SLC35B4: variants seen among roughly 807,000 people sequenced by gnomAD.
The protein encoded by SLC35B4 is solute carrier family 35 member B4.
SLC35B4 carries 28 observed loss-of-function variants against 39.5 expected under a neutral mutation model. The ratio of observed to expected loss-of-function variants is 0.71; its 90% CI spans 0.53 to 0.97. The LOEUF (loss-of-function observed/expected upper bound fraction) is 0.97, where lower values mean the gene tolerates loss of function less well. Ranked by LOEUF, SLC35B4 falls within the 50% of genes least tolerant of loss-of-function variation. The probability of loss-of-function intolerance (pLI) is 0.00; values close to 1 mark genes in which losing one functional copy is unlikely to be tolerated. For missense variants in SLC35B4, 334 were observed against 414.3 expected, an observed-to-expected ratio of 0.81 and a Z score of 1.68; for synonymous variants, 145 against 150.4, an observed-to-expected ratio of 0.96 and a Z score of 0.26.
At chr7:134,312,552 G>C (rs1803869177) in intron 1 of SLC35B4, among the ~76,000 whole-genome samples, 1 of 152,044 alleles carries the variant, frequency 6.6e-6, no homozygotes, top group East Asian at 1.9e-4. Context: ...TCTCACTTTC[G>C]GGTCAGTGAC....
Position 134,293,529 on chromosome 7 carries a change from G to A in SLC35B4, c.*1304C>T, listed in dbSNP as rs1357111512. ...TTCAATTGTCGTTGAGGTTTGACCTGATTTACACATCACACACTATATATC... is the reference window on the plus strand; with the variant it reads ...TTCAATTGTCGTTGAGGTTTGACCTAATTTACACATCACACACTATATATC... On this transcript the variant is annotated 3_prime_UTR_variant, in exon 10 of 10. Transcript: ENST00000378509. The A allele has an allele frequency of 6.6e-6, 1 of 152,174 alleles. No individual in the cohort carries two copies. The highest frequency in any genetic ancestry group is 1.5e-5 in the Non-Finnish European group (1 of 68,054). The allele number at this position is 152,174 out of a possible 1,614,324, so 9.4% of individuals were successfully genotyped here.
intron 8 of SLC35B4, among the ~76,000 whole-genome samples, chr7:134,298,716 A>G (rs905008875): frequency 1.3e-5 from 2 of 152,348 alleles, no homozygotes; most frequent in Middle Eastern, 3.4e-3. Context: ...GAGAGGCAAC[A>G]CTATAAATGC....
intron 2 of SLC35B4, among the ~76,000 whole-genome samples, chr7:134,308,038 G>T (rs918099080): frequency 6.6e-6 from 1 of 152,156 alleles, no homozygotes; most frequent in Admixed American, 6.5e-5. Flanking sequence ...AGAAATTGTG[G>T]ATGGGGATGA....
At chr7:134,302,928 G>T (rs1297690046) in intron 4 of SLC35B4, among the ~76,000 whole-genome samples, 1 of 152,170 alleles carries the variant, frequency 6.6e-6, no homozygotes, top group Non-Finnish European at 1.5e-5. Context: ...GAGCGGTTGG[G>T]GAGGAAGCAG....
At chr7:134,304,770 T>C in intron 4 of SLC35B4, 35 bp downstream of exon 4, 1 of 1,530,050 alleles carries the variant, frequency 6.5e-7, no homozygotes, top group Non-Finnish European at 9.0e-7. Flanking sequence ...CAGGGTATCA[T>C]TTCCATACAC....
chr7:134,308,622 T>C (rs1293740427), intron 2 of SLC35B4, among the ~76,000 whole-genome samples: 5 of 152,236 alleles, frequency 3.3e-5, no homozygotes. Flanking sequence ...TTTGCCTTCA[T>C]ACTTGGATAT....
At chr7:134,305,269 G>A (rs1803679727) in intron 3 of SLC35B4, among the ~76,000 whole-genome samples, 1 of 151,980 alleles carries the variant, frequency 6.6e-6, no homozygotes, top group Non-Finnish European at 1.5e-5. Flanking sequence ...GTTGCAGTGA[G>A]CCAAGATCGC....
intron 3 of SLC35B4, among the ~76,000 whole-genome samples, 186 bp from the exon 4 acceptor site, chr7:134,305,040 G>T (rs1040934650): frequency 3.9e-5 from 6 of 152,178 alleles, no homozygotes; most frequent in African/African-American, 1.4e-4. Flanking sequence ...CTACTATGAT[G>T]GCCGGGCGCG....
chr7:134,301,820 G>A lies in SLC35B4; in HGVS notation c.428C>T (p.Thr143Ile), dbSNP rs773877174. 11 of 1,613,846 alleles carry A rather than the reference G, an allele frequency of 6.8e-6. No individual in the cohort carries two copies. Among genetic ancestry groups the A allele is most frequent in the African/African-American group, 5.3e-5 (4 of 74,916 alleles). ...ICTFMSAKQV[T>I]SQSSLSENDG... is the part of the protein sequence containing the mutation. ...ATTCTCACTCAAGCTGGACTGGGAA[G>A]TCTAGGAAATAAGAAAATAAACTAG... Residue 143 changes from threonine to isoleucine, a missense_variant and splice_region_variant, in exon 6 of 10, where the codon ACT (threonine) becomes ATT (isoleucine). By Grantham distance (89) the Thr-to-Ile change is moderately conservative. Coordinates refer to ENST00000378509, the MANE Select transcript of SLC35B4 (RefSeq NM_032826.5).
chr7:134,306,837 G>A, intron 2 of SLC35B4, 63 bp from the exon 3 acceptor site: 1 of 1,401,504 alleles, frequency 7.1e-7, no homozygotes, highest in East Asian at 2.3e-5. Context: ...TCAAGTATAG[G>A]AAATATATAT....
At position 134,311,134 on chromosome 7, in the gene SLC35B4, C is replaced by T. The variant is rs561015296; in HGVS notation, c.78-1655G>A. Among the ~76,000 whole-genome samples, 7 of 152,202 alleles carry T rather than the reference C, an allele frequency of 4.6e-5. No individual in the cohort carries two copies. The South Asian group carries it at 1.4e-3, about 31-fold the overall frequency. ...CTGCCTATGAAGGTTTCCTTGAAAA[C>T]TGCTTTCTATTCAATTCAACAAGTT... On this transcript the variant is annotated intron_variant, in intron 1 of 9. Coordinates refer to ENST00000378509, the MANE Select transcript of SLC35B4 (RefSeq NM_032826.5).
At chr7:134,302,244 G>C in intron 4 of SLC35B4, 134 bp from the exon 5 acceptor site, 1 of 719,644 alleles carries the variant, frequency 1.4e-6, no homozygotes, top group Non-Finnish European at 2.3e-6. Flanking sequence ...CTTTCCAGCA[G>C]AGTCCACAGA....
In SLC35B4 at chr7:134,294,742, T is replaced by A. The variant is rs990833138; in HGVS notation, c.*91A>T. ...TGCACGGCTGGCTCAGCACTGCGGGTAGCTCGGCATTAACAAAAGCGAAAC... is the reference window on the plus strand; with the variant it reads ...TGCACGGCTGGCTCAGCACTGCGGGAAGCTCGGCATTAACAAAAGCGAAAC... On this transcript the variant is annotated 3_prime_UTR_variant, in exon 10 of 10. Coordinates refer to ENST00000378509, the MANE Select transcript of SLC35B4 (RefSeq NM_032826.5). The A allele has an allele frequency of 1.3e-5, 20 of 1,522,292 alleles. No individual in the cohort carries two copies. Among genetic ancestry groups the A allele is most frequent in the Non-Finnish European group, 1.7e-5 (19 of 1,122,610 alleles). 94.3% of individuals were successfully genotyped at this position (1,522,292 alleles called of 1,614,324 possible). A position where few individuals can be genotyped will look rare whatever the true frequency, so the allele number is the denominator to read the frequency against.
intron 9 of SLC35B4, 74 bp downstream of exon 9, chr7:134,296,317 A>G (rs969854208): frequency 3.9e-6 from 5 of 1,285,182 alleles, no homozygotes; most frequent in Non-Finnish European, 5.6e-6. Context: ...CACTGTTAGA[A>G]GAAAAGAATG....
At position 134,291,433 on chromosome 7, in the gene SLC35B4, C is replaced by T. The variant is rs909275508; in HGVS notation, c.*3400G>A. 81 of 152,264 alleles carry T rather than the reference C, an allele frequency of 5.3e-4. No individual in the cohort carries two copies. Among genetic ancestry groups the T allele is most frequent in the African/African-American group, 1.8e-3 (75 of 41,544 alleles). 9.4% of individuals were successfully genotyped at this position (152,264 alleles called of 1,614,324 possible). The stretch of plus-strand genomic sequence containing the variant: ...ATGATAAGTCTTTCTTAGCAGAAAA[C>T]GCTGCAAGTGAAGAAACTGGAGTGA... On this transcript the variant is annotated 3_prime_UTR_variant, in exon 10 of 10. Transcript: ENST00000378509.
chr7:134,302,942 C>T (rs556128945), intron 4 of SLC35B4, among the ~76,000 whole-genome samples: 15 of 152,116 alleles, frequency 9.9e-5, no homozygotes, highest in Middle Eastern at 3.4e-3. Context: ...GAAGCAGGTA[C>T]GAGCGGAGGT....
At chr7:134,301,203 C>G (rs73727213) in intron 6 of SLC35B4, among the ~76,000 whole-genome samples, 1 of 152,118 alleles carries the variant, frequency 6.6e-6, no homozygotes, top group East Asian at 1.9e-4. Context: ...GCCCTTGGAA[C>G]GAGTCTCAGC....
At chr7:134,296,230 C>T (rs1050479773) in intron 9 of SLC35B4, among the ~76,000 whole-genome samples, 161 bp downstream of exon 9, 9 of 152,218 alleles carry the variant, frequency 5.9e-5, no homozygotes, top group African/African-American at 1.9e-4. Flanking sequence ...CTGCCCTCTA[C>T]AAGGAGTTCC....
chr7:134,311,765 T>C (rs1318881861), intron 1 of SLC35B4, among the ~76,000 whole-genome samples: 1 of 152,204 alleles, frequency 6.6e-6, no homozygotes, highest in Admixed American at 6.5e-5. Context: ...TTTTAAAAGC[T>C]TTCCACTTGA....
Sources: allele counts gnomAD v4.1 joint callset (sites outside exome capture counted in the v4.1 genomes callset), GRCh38; gene constraint gnomAD v4.1.1; transcripts MANE v1.5; gene names NCBI Gene and HGNC (gene_info 2026-07-23, HGNC 2026-07-21).